The following SKA2 variants were observed in gnomAD, a reference collection of about 807,000 sequenced individuals.
The protein encoded by SKA2 is spindle and kinetochore associated complex subunit 2, also known as spindle and kinetochore-associated protein 2.
A neutral mutation model predicts 16.9 loss-of-function variants in SKA2; 13 were observed. The observed-to-expected ratio is 0.77, with a 90% CI of 0.50 to 1.22. The LOEUF (loss-of-function observed/expected upper bound fraction) is 1.22. Among genes scored for constraint, SKA2 ranks in the 50% most tolerant of loss-of-function variants. The pLI, the probability that SKA2 is intolerant of heterozygous loss-of-function variation, is 0.00. For missense variants in SKA2, 107 were observed against 139.7 expected (o/e 0.77, Z 1.18); for synonymous variants, 47 against 48.5 (o/e 0.97, Z 0.13).
rs1287952456 is a variant in SKA2 at position 59,116,242 on chromosome 17, G to A, written c.297+3077C>T. Among the ~76,000 whole-genome samples the A allele has an allele frequency of 7.9e-5, 12 of 152,116 alleles. 1 individual carries two copies. The South Asian group carries it at 1.9e-3, about 24-fold the overall frequency. ...AAAAAAATTAGCTGGGCGTGGTGGCGCATGCCTGTAGTCCCAGCTACTTGG... is the reference window on the plus strand; with the variant it reads ...AAAAAAATTAGCTGGGCGTGGTGGCACATGCCTGTAGTCCCAGCTACTTGG... On this transcript the variant is annotated intron_variant, in intron 3 of 3. Transcript: ENST00000330137.
chr17:59,131,400 C>A (rs2046410996), intron 1 of SKA2, 33 bp from the exon 2 acceptor site: 3 of 1,378,348 alleles, frequency 2.2e-6, no homozygotes, highest in Non-Finnish European at 2.0e-6. Context: ...ATTGTGTAAA[C>A]CAAAAGACTA....
chr17:59,114,668 T>C (rs1568299708), intron 3 of SKA2, among the ~76,000 whole-genome samples: 1 of 151,970 alleles, frequency 6.6e-6, no homozygotes, highest in East Asian at 1.9e-4. Flanking sequence ...GAAAGAAAAA[T>C]GGCCAATAGC....
chr17:59,119,905 T>G (rs2046321088), intron 2 of SKA2, among the ~76,000 whole-genome samples: 1 of 151,808 alleles, frequency 6.6e-6, no homozygotes, highest in Non-Finnish European at 1.5e-5. Context: ...AAACTACTTA[T>G]AAAAATCTTT....
chr17:59,142,509 C>T (rs957744764), intron 1 of SKA2, among the ~76,000 whole-genome samples: 1 of 151,788 alleles, frequency 6.6e-6, no homozygotes, highest in African/African-American at 2.4e-5. Context: ...AGGCTGCTCT[C>T]GAACTCTCGA....
At chr17:59,120,355 C>A (rs1225515567) in intron 2 of SKA2, among the ~76,000 whole-genome samples, 1 of 152,152 alleles carries the variant, frequency 6.6e-6, no homozygotes, top group Non-Finnish European at 1.5e-5. Flanking sequence ...TACATTACCA[C>A]TATTCCATAA....
At chr17:59,123,311 C>T (rs1166565724) in intron 2 of SKA2, among the ~76,000 whole-genome samples, 4 of 144,620 alleles carry the variant, frequency 2.8e-5, no homozygotes, top group African/African-American at 7.7e-5. Context: ...GTAATCCCAG[C>T]ACTTTGGGAA....
intron 3 of SKA2, among the ~76,000 whole-genome samples, chr17:59,114,910 C>T (rs1045563679): frequency 1.3e-5 from 2 of 152,176 alleles, no homozygotes; most frequent in South Asian, 2.1e-4. Flanking sequence ...ATCTCTAGGG[C>T]AGCACTGTCC....
chr17:59,117,564 A>AT (rs1423343601), intron 3 of SKA2, among the ~76,000 whole-genome samples: 1 of 150,256 alleles, frequency 6.7e-6, no homozygotes, highest in Non-Finnish European at 1.5e-5. Context: ...AATTTAAAAT[A>AT]TTTTTTTCTT....
chr17:59,118,480 T>C (rs943447591), intron 3 of SKA2, among the ~76,000 whole-genome samples: 2 of 152,242 alleles, frequency 1.3e-5, no homozygotes, highest in African/African-American at 4.8e-5. Context: ...TCTGGAACTA[T>C]ACTTAATCAG....
At chr17:59,130,133 T>C (rs554138911) in intron 2 of SKA2, among the ~76,000 whole-genome samples, 30 of 152,126 alleles carry the variant, frequency 2.0e-4, no homozygotes, top group African/African-American at 6.7e-4. Context: ...TACACTCCCA[T>C]AGAATTCTAG....
intron 1 of SKA2, among the ~76,000 whole-genome samples, chr17:59,154,570 AC>A (rs2046606567): frequency 1.3e-5 from 2 of 152,158 alleles, no homozygotes; most frequent in East Asian, 3.9e-4. Flanking sequence ...ACGGTTTGCC[AC>A]CTCCGGATCA....
At chr17:59,134,031 G>A (rs919875310) in intron 1 of SKA2, among the ~76,000 whole-genome samples, 13 of 152,116 alleles carry the variant, frequency 8.5e-5, no homozygotes, top group Non-Finnish European at 1.5e-4. Flanking sequence ...GAGATGCCAC[G>A]ATTAAATTAA....
At chr17:59,120,383 C>T (rs1032261289) in intron 2 of SKA2, among the ~76,000 whole-genome samples, 3 of 151,854 alleles carry the variant, frequency 2.0e-5, no homozygotes, top group African/African-American at 7.3e-5. Context: ...TTCAATTGGA[C>T]CCCTTCTGCC....
intron 1 of SKA2, among the ~76,000 whole-genome samples, chr17:59,133,035 T>C (rs1341423393): frequency 6.6e-6 from 1 of 152,230 alleles, no homozygotes; most frequent in Non-Finnish European, 1.5e-5. Context: ...TGAAGTGTTG[T>C]GGCACCATCA....
intron 3 of SKA2, among the ~76,000 whole-genome samples, chr17:59,119,028 T>C (rs1278032562): frequency 1.3e-5 from 2 of 152,198 alleles, no homozygotes; most frequent in Non-Finnish European, 2.9e-5. Context: ...TCAGTCTCAC[T>C]AGTACTTACA....
chr17:59,144,070 C>T (rs1038714470), intron 1 of SKA2, among the ~76,000 whole-genome samples: 3 of 152,086 alleles, frequency 2.0e-5, no homozygotes, highest in Admixed American at 1.3e-4. Context: ...TCAGGAGAAT[C>T]GCTTGAACCC....
In SKA2 at chr17:59,110,055, A is replaced by G. The variant is rs1206608095; in HGVS notation, c.*2222T>C. 5 of 152,222 alleles carry G rather than the reference A, an allele frequency of 3.3e-5. No homozygotes were observed. The highest frequency in any genetic ancestry group is 9.6e-5 in the African/African-American group (4 of 41,460). 9.4% of individuals were successfully genotyped at this position (152,222 alleles called of 1,614,324 possible). On this transcript the variant is annotated 3_prime_UTR_variant, in exon 4 of 4. Coordinates refer to ENST00000330137, the MANE Select transcript of SKA2 (RefSeq NM_182620.4). Reference sequence around the variant, plus strand: ...CAACAGAATAGTGGCTATTAACAATAAAATCAGTAAGTATTCTGGACATGT... The same window carrying G: ...CAACAGAATAGTGGCTATTAACAATGAAATCAGTAAGTATTCTGGACATGT...
rs1285634991 is a variant in SKA2, at chr17:59,132,552, T to C, written c.34-1185A>G. Among the ~76,000 whole-genome samples the C allele has an allele frequency of 6.6e-5, 10 of 152,296 alleles. No homozygotes were observed. The East Asian group carries it at 1.9e-3, about 29-fold the overall frequency. On this transcript the variant is annotated intron_variant, in intron 1 of 3. Coordinates refer to ENST00000330137, the MANE Select transcript of SKA2 (RefSeq NM_182620.4). ...AGTGGCATGTGCCTGTGGTCCCAGC[T>C]ATTTGGGTAGCTGAGGCACTAGAAT...
At chr17:59,149,032 G>A (rs567993936) in intron 1 of SKA2, among the ~76,000 whole-genome samples, 5 of 152,202 alleles carry the variant, frequency 3.3e-5, no homozygotes, top group African/African-American at 1.2e-4. Flanking sequence ...GTGTTGATAA[G>A]GTTATGGAAA....
Sources: allele counts gnomAD v4.1 joint callset (sites outside exome capture counted in the v4.1 genomes callset), GRCh38; gene constraint gnomAD v4.1.1; transcripts MANE v1.5; gene names NCBI Gene and HGNC (gene_info 2026-07-23, HGNC 2026-07-21).